CSMD3: variants seen among roughly 807,000 people sequenced by gnomAD.
The protein encoded by CSMD3 is CUB and sushi domain-containing protein 3.
In CSMD3, 177 loss-of-function variants were observed where a neutral mutation model predicts 435.2. That is an observed-to-expected ratio of 0.41 (90% CI 0.36 to 0.46). The LOEUF is 0.46. CSMD3 is among the 20% of genes least tolerant of loss of function. The pLI is 0.34. For synonymous variants in CSMD3, 1,656 were observed against 1,520.5 expected (o/e 1.09, Z -2.07); for missense variants, 4,265 against 4,504.6 (o/e 0.95, Z 1.52).
intron 18 of CSMD3, among the ~76,000 whole-genome samples, chr8:112,652,888 G>A (rs1454419963): frequency 1.3e-5 from 2 of 152,042 alleles, no homozygotes; most frequent in Non-Finnish European, 2.9e-5. Flanking sequence ...GCTCACTGCA[G>A]CCTCCACTTC....
chr8:112,740,447 C>T (rs1217663326), intron 13 of CSMD3, among the ~76,000 whole-genome samples: 1 of 151,504 alleles, frequency 6.6e-6, no homozygotes, highest in African/African-American at 2.4e-5. Flanking sequence ...TTTTTTATAG[C>T]TGAAACACTG....
Position 112,760,454 on chromosome 8 carries a change from C to G in CSMD3, c.1972+39708G>C, listed in dbSNP as rs531548889. Among the ~76,000 whole-genome samples the G allele has an allele frequency of 2.6e-3, 389 of 152,246 alleles. 1 individual carries two copies. The highest frequency in any genetic ancestry group is 2.9e-3 in the Non-Finnish European group (194 of 68,000). On this transcript the variant is annotated intron_variant, in intron 13 of 70. Coordinates refer to ENST00000297405, the MANE Select transcript of CSMD3 (RefSeq NM_198123.2). ...TTATTTTCTTCATTTATACTTCATG[C>G]TAAACCTGACTGTTAAATTATCAAT...
At chr8:113,251,853 T>C (rs886371651) in intron 3 of CSMD3, among the ~76,000 whole-genome samples, 1 of 152,072 alleles carries the variant, frequency 6.6e-6, no homozygotes, top group African/African-American at 2.4e-5. Flanking sequence ...TTTATGTTTT[T>C]ATACAAAAAT....
At chr8:113,014,753 G>T (rs943050505) in intron 6 of CSMD3, among the ~76,000 whole-genome samples, 2 of 151,762 alleles carry the variant, frequency 1.3e-5, no homozygotes, top group Admixed American at 6.6e-5. Flanking sequence ...AAATATGAAG[G>T]TCTTTCTAGG....
chr8:113,361,061 T>C (rs1055849385), intron 1 of CSMD3, among the ~76,000 whole-genome samples: 12 of 152,214 alleles, frequency 7.9e-5, no homozygotes, highest in African/African-American at 1.7e-4. Flanking sequence ...CTCTATTTTA[T>C]TTTAGATGGC....
intron 3 of CSMD3, among the ~76,000 whole-genome samples, chr8:113,201,557 A>T (rs1305111068): frequency 6.6e-6 from 1 of 151,978 alleles, no homozygotes; most frequent in Admixed American, 6.6e-5. Flanking sequence ...AAAATACAAA[A>T]CTTGTGCATT....
chr8:113,026,063 T>C (rs2086865156), intron 5 of CSMD3, among the ~76,000 whole-genome samples: 1 of 152,130 alleles, frequency 6.6e-6, no homozygotes, highest in Non-Finnish European at 1.5e-5. Context: ...GGGGTGCACA[T>C]AGGCTCCTCA....
chr8:112,883,597 TAC>T (rs1236577525), intron 10 of CSMD3, among the ~76,000 whole-genome samples: 2 of 152,086 alleles, frequency 1.3e-5, no homozygotes, highest in South Asian at 2.1e-4. Context: ...GTAAAAATTG[TAC>T]AGAGAGTTCC....
chr8:112,478,689 G>T (rs1819319120), intron 31 of CSMD3, among the ~76,000 whole-genome samples: 1 of 152,098 alleles, frequency 6.6e-6, no homozygotes, highest in African/African-American at 2.4e-5. Context: ...AAGAAGATAG[G>T]GGTGGGTCCG....
chr8:112,856,836 A>AAC (rs1367411013), intron 11 of CSMD3, among the ~76,000 whole-genome samples: 1 of 151,854 alleles, frequency 6.6e-6, no homozygotes, highest in Non-Finnish European at 1.5e-5. Flanking sequence ...GATGTATGCC[A>AAC]ACTAGTATAG....
At chr8:113,342,212 ATCT>A (rs2094124336) in intron 1 of CSMD3, among the ~76,000 whole-genome samples, 1 of 152,176 alleles carries the variant, frequency 6.6e-6, no homozygotes, top group Non-Finnish European at 1.5e-5. Context: ...AAATGAAACT[ATCT>A]GAGACAAATG....
chr8:113,398,411 A>G (rs1265804878), intron 1 of CSMD3, among the ~76,000 whole-genome samples: 4 of 152,174 alleles, frequency 2.6e-5, no homozygotes, highest in Non-Finnish European at 5.9e-5. Flanking sequence ...CAGTTTAATT[A>G]CTGTAACACT....
intron 12 of CSMD3, among the ~76,000 whole-genome samples, chr8:112,812,959 A>G (rs1466278768): frequency 6.6e-6 from 1 of 152,238 alleles, no homozygotes; most frequent in African/African-American, 2.4e-5. Context: ...GCCCACTTCA[A>G]AAGTTCATTG....
intron 18 of CSMD3, among the ~76,000 whole-genome samples, chr8:112,651,275 A>G (rs928107756): frequency 3.2e-4 from 48 of 152,330 alleles, no homozygotes; most frequent in African/African-American, 1.1e-3. Flanking sequence ...ATATTAAATC[A>G]TATTTATATG....
At chr8:113,301,767 G>C (rs530228048) in intron 2 of CSMD3, among the ~76,000 whole-genome samples, 1 of 151,586 alleles carries the variant, frequency 6.6e-6, no homozygotes, top group Non-Finnish European at 1.5e-5. Context: ...TTTCTGTATG[G>C]GTTCAGTATC....
intron 9 of CSMD3, among the ~76,000 whole-genome samples, chr8:112,924,454 A>G (rs923732138): frequency 6.6e-6 from 1 of 152,102 alleles, no homozygotes; most frequent in Non-Finnish European, 1.5e-5. Flanking sequence ...CATGGTTACC[A>G]TATTTGTCAC....
intron 1 of CSMD3, among the ~76,000 whole-genome samples, chr8:113,317,759 C>T (rs2132688902): frequency 6.6e-6 from 1 of 152,174 alleles, no homozygotes; most frequent in African/African-American, 2.4e-5. Context: ...GTTTTTCTTA[C>T]TAGGCCTTTC....
intron 21 of CSMD3, among the ~76,000 whole-genome samples, chr8:112,638,411 T>C (rs1444559068): frequency 6.6e-6 from 1 of 151,006 alleles, no homozygotes; most frequent in Non-Finnish European, 1.5e-5. Flanking sequence ...TTGACCTTTG[T>C]TAGAATTTTT....
chr8:113,057,280 T>C (rs1283851350), intron 5 of CSMD3, among the ~76,000 whole-genome samples: 2 of 152,172 alleles, frequency 1.3e-5, no homozygotes, highest in Non-Finnish European at 2.9e-5. Flanking sequence ...GTAAGAGTCA[T>C]GCAACCAGAG....
Sources: allele counts gnomAD v4.1 joint callset (sites outside exome capture counted in the v4.1 genomes callset), GRCh38; gene constraint gnomAD v4.1.1; transcripts MANE v1.5; gene names NCBI Gene and HGNC (gene_info 2026-07-23, HGNC 2026-07-21).